Variants in APBB2 observed in about 807,000 individuals in gnomAD.
APBB2 encodes amyloid beta precursor protein binding family B member 2, also known as Fe65-like 1.
A neutral mutation model predicts 82.5 loss-of-function variants in APBB2; 38 were observed. The ratio of observed to expected loss-of-function variants is 0.46; its 90% CI spans 0.36 to 0.60. The LOEUF is 0.60. Among genes scored for constraint, APBB2 ranks in the 20% least tolerant of loss-of-function variants. The pLI, the probability that APBB2 is intolerant of heterozygous loss-of-function variation, is 0.00. For synonymous variants in APBB2, 341 were observed against 368.2 expected, an observed-to-expected ratio of 0.93 and a Z score of 0.85; for missense variants, 772 against 972.3, an observed-to-expected ratio of 0.79 and a Z score of 2.74.
chr4:40,849,870 C>T (rs184121216), intron 12 of APBB2, among the ~76,000 whole-genome samples: 71 of 134,392 alleles, frequency 5.3e-4, no homozygotes, highest in African/African-American at 1.7e-3. Context: ...TGAGATTACT[C>T]GGCGCCACCA....
chr4:41,193,642 A>G, intron 1 of APBB2: 10 of 826,814 alleles, frequency 1.2e-5, no homozygotes, highest in Non-Finnish European at 1.5e-5. Context: ...TTACTTCTGC[A>G]GGTCTCCCAG....
chr4:40,925,851 G>C (rs542830807), intron 10 of APBB2, among the ~76,000 whole-genome samples: 1 of 152,296 alleles, frequency 6.6e-6, no homozygotes, highest in East Asian at 1.9e-4. Context: ...AACCAAGGGA[G>C]GGCACAGATA....
rs371607683 is a variant in APBB2, at chr4:40,960,446, G to GTTTTTTTTTTTTTTTTTTTTTTTTT, written c.836-15374_836-15373insAAAAAAAAAAAAAAAAAAAAAAAAA. On this transcript the variant is annotated intron_variant, in intron 6 of 17. Coordinates refer to ENST00000508593, the MANE Select transcript of APBB2 (RefSeq NM_004307.2). Reference sequence around the variant, plus strand: ...CATCAAAAACAGAAATTTTTTTTCGGGTTTTTTTTTTTTTTTTTTGAGACG... The same window carrying GTTTTTTTTTTTTTTTTTTTTTTTTT: ...CATCAAAAACAGAAATTTTTTTTCGGTTTTTTTTTTTTTTTTTTTTTTTTTGTTTTTTTTTTTTTTTTTTGAGACG... Among the ~76,000 whole-genome samples, 2 of 120,544 alleles carry GTTTTTTTTTTTTTTTTTTTTTTTTT rather than the reference G, an allele frequency of 1.7e-5. 1 individual carries two copies. Among genetic ancestry groups the GTTTTTTTTTTTTTTTTTTTTTTTTT allele is most frequent in the African/African-American group, 6.2e-5 (2 of 32,352 alleles). 79.1% of individuals were successfully genotyped at this position (120,544 alleles called of 152,430 possible).
chr4:40,865,442 A>T (rs1763825110), intron 12 of APBB2, among the ~76,000 whole-genome samples: 1 of 152,188 alleles, frequency 6.6e-6, no homozygotes, highest in African/African-American at 2.4e-5. Flanking sequence ...AAGACAAGAG[A>T]AGTTCTTTAA....
intron 1 of APBB2, among the ~76,000 whole-genome samples, chr4:41,161,268 G>A (rs539404566): frequency 1.9e-4 from 28 of 150,880 alleles, no homozygotes; most frequent in Admixed American, 7.9e-4. Flanking sequence ...GACACTGCTC[G>A]TTTATTCTGG....
chr4:41,088,900 A>G (rs1324877933), intron 3 of APBB2, among the ~76,000 whole-genome samples: 1 of 152,216 alleles, frequency 6.6e-6, no homozygotes, highest in Non-Finnish European at 1.5e-5. Flanking sequence ...AGGGTGTGCA[A>G]TGAAAATGGG....
In APBB2 at chr4:41,013,769, T is replaced by C; in HGVS notation, c.649A>G (p.Ser217Gly). 6.2e-7 allele frequency: 1 copy of C among 1,614,210 alleles called. No individual in the cohort carries two copies. Among genetic ancestry groups the C allele is most frequent in the African/African-American group, 1.3e-5 (1 of 75,064 alleles). Reference sequence around the variant, plus strand: ...GTGGCTACTTGGCCGTCTTCAGGGCTGGACTGGGGTCTGTTTGGTTTCTGC... The same window carrying C: ...GTGGCTACTTGGCCGTCTTCAGGGCCGGACTGGGGTCTGTTTGGTTTCTGC... ...LLQKPNRPQS[S>G]PEDGQVATVS... Residue 217 changes from serine to glycine, a missense_variant, in exon 6 of 18, where the codon AGC becomes GGC. Physicochemically the swap from Ser to Gly is moderately conservative, Grantham distance 56 (BLOSUM62 0). Transcript: ENST00000508593.
In APBB2 at chr4:40,826,081, C is replaced by T; in HGVS notation, c.1733-111G>A. On this transcript the variant is annotated intron_variant, in intron 14 of 17. Coordinates refer to ENST00000508593, the MANE Select transcript of APBB2 (RefSeq NM_004307.2). The surrounding 1 kb of genome is among the most constrained non-coding windows in gnomAD (Gnocchi z 4.5). ...TCAGGACACGCCCTGTGCCATAACGCCCTATGTTTCTGGATGTAAATGTAA... is the reference window on the plus strand; with the variant it reads ...TCAGGACACGCCCTGTGCCATAACGTCCTATGTTTCTGGATGTAAATGTAA... 2 of 785,840 alleles carry T rather than the reference C, an allele frequency of 2.5e-6. No homozygotes were observed. The highest frequency in any genetic ancestry group is 1.4e-5 in the South Asian group (1 of 69,948). 48.7% of individuals were successfully genotyped at this position (785,840 alleles called of 1,614,324 possible). A position where few individuals can be genotyped will look rare whatever the true frequency, so the allele number is the denominator to read the frequency against.
chr4:41,148,145 G>A (rs1761305179), intron 1 of APBB2, among the ~76,000 whole-genome samples: 1 of 152,124 alleles, frequency 6.6e-6, no homozygotes, highest in African/African-American at 2.4e-5. Context: ...AACCGAAACT[G>A]GCATCCAACA....
intron 6 of APBB2, among the ~76,000 whole-genome samples, chr4:41,003,995 G>A (rs1237804767): frequency 2.0e-5 from 3 of 152,202 alleles, no homozygotes; most frequent in Non-Finnish European, 4.4e-5. Flanking sequence ...TTACAGGTGT[G>A]AGCCACCACG....
chr4:40,998,955 G>A (rs1278819429), intron 6 of APBB2, among the ~76,000 whole-genome samples: 4 of 152,098 alleles, frequency 2.6e-5, no homozygotes, highest in Non-Finnish European at 5.9e-5. Context: ...TTGCGCTACC[G>A]AGAACGGTGT....
At position 40,972,729 on chromosome 4, in the gene APBB2, T is replaced by C. The variant is rs192724624; in HGVS notation, c.836-27656A>G. Among the ~76,000 whole-genome samples the C allele has an allele frequency of 2.1e-4, 32 of 152,316 alleles. 1 individual carries two copies. Among genetic ancestry groups the C allele is most frequent in the Admixed American group, 7.8e-4 (12 of 15,302 alleles). ...ATCCAGTTAGTAATTTCCAGTTACA[T>C]TGTGTGTCATGAGAGAAGTAACGAA... On this transcript the variant is annotated intron_variant, in intron 6 of 17. Coordinates refer to ENST00000508593, the MANE Select transcript of APBB2 (RefSeq NM_004307.2).
At chr4:40,890,860 C>T (rs760685459) in intron 11 of APBB2, 4 of 168,654 alleles carry the variant, frequency 2.4e-5, no homozygotes, top group Non-Finnish European at 5.1e-5. Context: ...TGTCTCTCCC[C>T]ATTCTTCTGG....
chr4:41,120,833 C>A (rs115264523), intron 2 of APBB2, among the ~76,000 whole-genome samples: 1 of 152,278 alleles, frequency 6.6e-6, no homozygotes, highest in Admixed American at 6.5e-5. Context: ...ATTCTCAGAA[C>A]CTAAATCAAG....
At chr4:40,822,118 AG>A in intron 16 of APBB2, 68 bp from the exon 17 acceptor site, 1 of 1,560,502 alleles carries the variant, frequency 6.4e-7, no homozygotes, top group South Asian at 1.1e-5. Context: ...GGCAGCACAT[AG>A]GAACTGGCAT....
chr4:40,898,923 C>G (rs182124760), intron 10 of APBB2, among the ~76,000 whole-genome samples: 71 of 152,066 alleles, frequency 4.7e-4, no homozygotes, highest in Non-Finnish European at 8.7e-4. Flanking sequence ...TTCAGTAGGT[C>G]TGGGTAGGAC....
chr4:41,014,152 A>T lies in APBB2; in HGVS notation c.266T>A (p.Leu89Gln). 6.2e-7 allele frequency: 1 copy of T among 1,614,224 alleles called. No homozygotes were observed. Among genetic ancestry groups the T allele is most frequent in the Non-Finnish European group, 8.5e-7 (1 of 1,180,050 alleles). Reference protein sequence around the residue: ...MGLSDPAAQPLLGNGSANIKL... With the variant: ...MGLSDPAAQPQLGNGSANIKL... ...GATGTTGGCAGAGCCATTTCCCAGC[A>T]GGGGCTGTGCAGCTGGATCCGAGAG... Residue 89 changes from leucine (L) to glutamine (Q), a missense_variant, in exon 6 of 18, where the codon CTG (leucine) becomes CAG (glutamine). Physicochemically the swap from Leu to Gln is moderately radical, Grantham distance 113. Transcript: ENST00000508593.
chr4:41,105,745 G>T (rs540561975), intron 2 of APBB2, among the ~76,000 whole-genome samples: 47 of 152,190 alleles, frequency 3.1e-4, no homozygotes, highest in African/African-American at 1.1e-3. Flanking sequence ...AATTAGCCAG[G>T]TGTGGTAGCG....
At chr4:40,833,377 C>G (rs1271088820) in intron 12 of APBB2, among the ~76,000 whole-genome samples, 1 of 152,174 alleles carries the variant, frequency 6.6e-6, no homozygotes, top group Admixed American at 6.5e-5. Flanking sequence ...TCTTGGTGTC[C>G]GCTCGTAGTG....
Sources: gnomAD v4.1 joint callset for allele counts (sites outside exome capture counted in the v4.1 genomes callset) on GRCh38, gnomAD v4.1.1 for gene constraint, Gnocchi (gnomAD v3.1) non-coding constraint, MANE v1.5 for transcripts, NCBI Gene and HGNC (gene_info 2026-07-23, HGNC 2026-07-21) for gene names.